Variants in POU6F2 observed in about 807,000 individuals in gnomAD.
POU6F2 encodes the protein POU class 6 homeobox 2, also known as POU domain, class 6, transcription factor 2.
POU6F2 carries 31 observed loss-of-function variants against 71.3 expected under a neutral mutation model. That is an observed-to-expected ratio of 0.43 (90% CI 0.33 to 0.59). POU6F2 has a LOEUF of 0.59. POU6F2 is among the 20% of genes least tolerant of loss of function. POU6F2 has a pLI of 0.04. For synonymous variants in POU6F2, 347 were observed against 355.7 expected (o/e 0.98, Z 0.27); for missense variants, 783 against 856.8 (o/e 0.91, Z 1.07).
chr7:39,411,469 T>C (rs755537636), intron 6 of POU6F2, among the ~76,000 whole-genome samples: 1 of 152,218 alleles, frequency 6.6e-6, no homozygotes, highest in Non-Finnish European at 1.5e-5. Context: ...CCTAGACCAC[T>C]GTGAAATTTT....
At chr7:39,245,102 G>A (rs1480734245) in intron 4 of POU6F2, among the ~76,000 whole-genome samples, 1 of 152,156 alleles carries the variant, frequency 6.6e-6, no homozygotes, top group African/African-American at 2.4e-5. Flanking sequence ...TAAGGATTTT[G>A]TTGAGTGAGT....
chr7:39,303,613 A>G (rs1478244867), intron 4 of POU6F2, among the ~76,000 whole-genome samples: 2 of 152,222 alleles, frequency 1.3e-5, no homozygotes, highest in South Asian at 4.1e-4. Flanking sequence ...ATGGGATGGA[A>G]TGATGCTCTG....
chr7:38,991,112 T>C (rs1477940909), intron 1 of POU6F2, among the ~76,000 whole-genome samples: 1 of 152,136 alleles, frequency 6.6e-6, no homozygotes, highest in Non-Finnish European at 1.5e-5. Flanking sequence ...ATTAACTTGA[T>C]ACCATAGCAC....
chr7:39,348,973 A>G (rs550057359), intron 5 of POU6F2, among the ~76,000 whole-genome samples: 6 of 152,330 alleles, frequency 3.9e-5, no homozygotes, highest in Non-Finnish European at 8.8e-5. Context: ...ACATAATGCT[A>G]ATTAATATCT....
chr7:39,307,684 T>A (rs1348036372), intron 4 of POU6F2, among the ~76,000 whole-genome samples: 1 of 152,132 alleles, frequency 6.6e-6, no homozygotes, highest in East Asian at 1.9e-4. Flanking sequence ...ATTATAAAAG[T>A]TACAAGATTT....
At chr7:39,102,182 G>C (rs1370520374) in intron 2 of POU6F2, among the ~76,000 whole-genome samples, 1 of 152,104 alleles carries the variant, frequency 6.6e-6, no homozygotes, top group Non-Finnish European at 1.5e-5. Flanking sequence ...TGTCTAAGTC[G>C]CTTATAATGA....
At chr7:39,149,432 G>A (rs1792697075) in intron 2 of POU6F2, among the ~76,000 whole-genome samples, 1 of 152,092 alleles carries the variant, frequency 6.6e-6, no homozygotes, top group African/African-American at 2.4e-5. Flanking sequence ...TTTACAACTT[G>A]ATGTTATGCG....
chr7:39,426,288 C>G (rs1375102542), intron 6 of POU6F2, among the ~76,000 whole-genome samples: 1 of 152,198 alleles, frequency 6.6e-6, no homozygotes, highest in Non-Finnish European at 1.5e-5. Flanking sequence ...CTTTTGAGGC[C>G]CAGCTGAGAC....
intron 4 of POU6F2, among the ~76,000 whole-genome samples, chr7:39,260,954 A>G (rs933535354): frequency 6.6e-6 from 1 of 151,312 alleles, no homozygotes; most frequent in Non-Finnish European, 1.5e-5. Context: ...CCTACATCAC[A>G]TGCACACCAC....
chr7:39,419,224 G>A (rs1787794297), intron 6 of POU6F2, among the ~76,000 whole-genome samples: 4 of 150,102 alleles, frequency 2.7e-5, no homozygotes, highest in Admixed American at 2.7e-4. Context: ...CTGATCTAAA[G>A]TAGAGTCTGT....
At chr7:39,425,185 C>T (rs1787941008) in intron 6 of POU6F2, among the ~76,000 whole-genome samples, 1 of 151,910 alleles carries the variant, frequency 6.6e-6, no homozygotes, top group East Asian at 1.9e-4. Context: ...GATAGAATCT[C>T]TTCTCCCTGC....
At chr7:39,449,317 C>T (rs1428617765) in intron 7 of POU6F2, among the ~76,000 whole-genome samples, 1 of 152,162 alleles carries the variant, frequency 6.6e-6, no homozygotes. Flanking sequence ...TTAATTACTA[C>T]CACAGGGGAC....
At chr7:39,236,682 A>G (rs1794682224) in intron 4 of POU6F2, among the ~76,000 whole-genome samples, 1 of 152,174 alleles carries the variant, frequency 6.6e-6, no homozygotes, top group Admixed American at 6.5e-5. Context: ...TATAAGTAGC[A>G]TGCTACTTCA....
At position 39,066,477 on chromosome 7, in the gene POU6F2, A is replaced by T. The variant is rs570975229; in HGVS notation, c.106-19383A>T. On this transcript the variant is annotated intron_variant, in intron 1 of 9. Transcript: ENST00000518318. ...GTACAGTCCTAAGAGAATCAACCGA[A>T]AACTCAATAGCTTTTCTATATAAGA... 6.6e-5 allele frequency among the ~76,000 whole-genome samples: 10 copies of T among 151,884 alleles called. 1 individual carries two copies. In the South Asian group the frequency reaches 2.1e-3, roughly 31 times the overall value.
chr7:39,329,928 G>A (rs1020347247), intron 4 of POU6F2, among the ~76,000 whole-genome samples: 1 of 152,184 alleles, frequency 6.6e-6, no homozygotes, highest in Non-Finnish European at 1.5e-5. Flanking sequence ...ATAGGAATTT[G>A]CTGTTATAAT....
intron 1 of POU6F2, among the ~76,000 whole-genome samples, chr7:39,058,025 G>A (rs558955589): frequency 2.0e-5 from 3 of 152,136 alleles, no homozygotes; most frequent in African/African-American, 4.8e-5. Context: ...GGGGCCCTGC[G>A]GGTACCCAGT....
chr7:39,076,004 A>G (rs549969656), intron 1 of POU6F2, among the ~76,000 whole-genome samples: 1 of 152,336 alleles, frequency 6.6e-6, no homozygotes, highest in Middle Eastern at 3.4e-3. Flanking sequence ...TTCTGGAAGC[A>G]GCATATGGGT....
intron 2 of POU6F2, among the ~76,000 whole-genome samples, chr7:39,189,260 C>A (rs1369287990): frequency 6.6e-6 from 1 of 152,194 alleles, no homozygotes; most frequent in Admixed American, 6.5e-5. Context: ...TGAAGACAGA[C>A]AAAAAACCAA....
At chr7:39,207,740 A>T in intron 4 of POU6F2, 120 bp downstream of exon 4, 1 of 930,276 alleles carries the variant, frequency 1.1e-6, no homozygotes, top group Non-Finnish European at 1.6e-6. Context: ...TCTGCCCTAA[A>T]TGATATGGAA....
Sources: allele counts gnomAD v4.1 joint callset (sites outside exome capture counted in the v4.1 genomes callset), GRCh38; gene constraint gnomAD v4.1.1; transcripts MANE v1.5; gene names NCBI Gene and HGNC (gene_info 2026-07-23, HGNC 2026-07-21).